Variants in STRN observed in about 807,000 individuals in gnomAD.
The protein encoded by STRN is protein phosphatase 2 regulatory subunit B'''alpha.
STRN carries 53 observed loss-of-function variants against 96.3 expected under a neutral mutation model. The observed-to-expected ratio is 0.55, with a 90% CI of 0.44 to 0.69. The LOEUF (loss-of-function observed/expected upper bound fraction) is 0.69, where lower values mean the gene tolerates loss of function less well. STRN is among the 30% of genes least tolerant of loss of function. The probability of loss-of-function intolerance (pLI) is 0.00; values close to 1 mark genes in which losing one functional copy is unlikely to be tolerated. For missense variants in STRN, 987 were observed against 963.9 expected (o/e 1.02, Z -0.32); for synonymous variants, 428 against 355.9 (o/e 1.20, Z -2.28).
chr2:36,892,819 G>A (rs951600313), intron 7 of STRN, among the ~76,000 whole-genome samples: 2 of 152,130 alleles, frequency 1.3e-5, no homozygotes, highest in African/African-American at 2.4e-5. Flanking sequence ...TTAGGAATTC[G>A]AGACCAGCCT....
intron 1 of STRN, among the ~76,000 whole-genome samples, chr2:36,944,677 T>C (rs1396801626): frequency 6.6e-6 from 1 of 152,136 alleles, no homozygotes; most frequent in Non-Finnish European, 1.5e-5. Context: ...TTCCTATTTG[T>C]AAATATACAT....
intron 1 of STRN, among the ~76,000 whole-genome samples, chr2:36,940,251 GAAAT>G (rs1231911565): frequency 6.6e-5 from 10 of 152,148 alleles, no homozygotes; most frequent in African/African-American, 2.4e-4. Context: ...AAATATAAGA[GAAAT>G]AATTTTAAAA....
intron 1 of STRN, among the ~76,000 whole-genome samples, chr2:36,958,386 T>G (rs922056665): frequency 6.6e-6 from 1 of 152,152 alleles, no homozygotes; most frequent in African/African-American, 2.4e-5. Flanking sequence ...AAATAACTAC[T>G]TACTATGTTT....
chr2:36,892,162 C>T (rs1669418731), intron 7 of STRN, among the ~76,000 whole-genome samples: 1 of 152,056 alleles, frequency 6.6e-6, no homozygotes, highest in South Asian at 2.1e-4. Context: ...AACATAGAAA[C>T]AGAAAACCAA....
intron 10 of STRN, among the ~76,000 whole-genome samples, chr2:36,876,180 G>A (rs1318240746): frequency 6.6e-6 from 1 of 151,936 alleles, no homozygotes; most frequent in African/African-American, 2.4e-5. Context: ...TGAGATGGGA[G>A]GATCATTTGA....
At chr2:36,951,623 A>C (rs1208280572) in intron 1 of STRN, among the ~76,000 whole-genome samples, 1 of 152,254 alleles carries the variant, frequency 6.6e-6, no homozygotes, top group East Asian at 1.9e-4. Flanking sequence ...ATGTTAATAC[A>C]TATTGAGTAA....
At chr2:36,960,421 C>T (rs1161432899) in intron 1 of STRN, among the ~76,000 whole-genome samples, 1 of 152,162 alleles carries the variant, frequency 6.6e-6, no homozygotes, top group Non-Finnish European at 1.5e-5. Context: ...CAGGATGGCA[C>T]TTGTATGCTC....
chr2:36,923,364 T>A (rs540422414), intron 2 of STRN, among the ~76,000 whole-genome samples: 76 of 150,878 alleles, frequency 5.0e-4, no homozygotes, highest in African/African-American at 1.8e-3. Flanking sequence ...GACAGGAGAA[T>A]TGCTTGAGCC....
intron 1 of STRN, among the ~76,000 whole-genome samples, chr2:36,964,180 CGG>C (rs199836090): frequency 9.4e-5 from 7 of 74,700 alleles, no homozygotes; most frequent in African/African-American, 4.0e-4. Context: ...GTGAACGGGG[CGG>C]GGCGGGGGGA....
At chr2:36,868,804 C>A (rs2216106) in intron 11 of STRN, among the ~76,000 whole-genome samples, 129,912 of 151,964 alleles carry the variant, frequency 0.85, 57,409 homozygotes, top group Non-Finnish European at 0.96. Context: ...ATTTGATGTT[C>A]AGTGATGACT....
chr2:36,886,242 G>A (rs1453289513), intron 8 of STRN, among the ~76,000 whole-genome samples: 1 of 152,146 alleles, frequency 6.6e-6, no homozygotes, highest in Admixed American at 6.5e-5. Context: ...ATAGTGGTAT[G>A]AGCAAATGAA....
intron 9 of STRN, among the ~76,000 whole-genome samples, chr2:36,880,604 C>T (rs1250791748): frequency 2.6e-5 from 4 of 152,054 alleles, no homozygotes; most frequent in Middle Eastern, 6.8e-3. Flanking sequence ...ATATATCATC[C>T]GAGAAGTTCA....
At chr2:36,942,450 G>T (rs1386384410) in intron 1 of STRN, among the ~76,000 whole-genome samples, 1 of 152,028 alleles carries the variant, frequency 6.6e-6, no homozygotes, top group Admixed American at 6.6e-5. Flanking sequence ...CTATAATTGG[G>T]TATTTAGTTT....
intron 7 of STRN, among the ~76,000 whole-genome samples, chr2:36,888,968 G>A (rs533461855): frequency 6.6e-6 from 1 of 152,208 alleles, no homozygotes; most frequent in Admixed American, 6.5e-5. Flanking sequence ...ACAGGCATGA[G>A]CCACTGCACC....
intron 11 of STRN, among the ~76,000 whole-genome samples, chr2:36,868,229 A>G (rs1668677903): frequency 6.8e-6 from 1 of 147,320 alleles, no homozygotes; most frequent in African/African-American, 2.4e-5. Context: ...TCTGAACTTC[A>G]GATTACTCCG....
intron 3 of STRN, among the ~76,000 whole-genome samples, chr2:36,910,255 G>A (rs756845742): frequency 2.0e-5 from 3 of 151,430 alleles, no homozygotes; most frequent in Non-Finnish European, 2.9e-5. Flanking sequence ...TACAAGACAC[G>A]TGAGCGGAAG....
intron 1 of STRN, among the ~76,000 whole-genome samples, chr2:36,950,882 A>G (rs1218240206): frequency 2.0e-5 from 3 of 152,234 alleles, no homozygotes; most frequent in Non-Finnish European, 4.4e-5. Context: ...CTCAGAGACA[A>G]GATTACAGTG....
intron 13 of STRN, among the ~76,000 whole-genome samples, chr2:36,860,751 G>C (rs1276866212): frequency 4.6e-5 from 7 of 152,130 alleles, no homozygotes; most frequent in African/African-American, 1.4e-4. Flanking sequence ...TGACCAAGGG[G>C]ATGGCACCAA....
chr2:36,964,743 TCTGA>T (rs754879631), intron 1 of STRN, among the ~76,000 whole-genome samples: 24 of 152,342 alleles, frequency 1.6e-4, no homozygotes, highest in Non-Finnish European at 2.4e-4. Flanking sequence ...ATTCCTGAAC[TCTGA>T]CTTATTTCTT....
Sources: gnomAD v4.1 joint callset for allele counts (sites outside exome capture counted in the v4.1 genomes callset) on GRCh38, gnomAD v4.1.1 for gene constraint, MANE v1.5 for transcripts, NCBI Gene and HGNC (gene_info 2026-07-23, HGNC 2026-07-21) for gene names.